DAP: variants seen among roughly 807,000 people sequenced by gnomAD.
The protein encoded by DAP is death-associated protein 1.
In DAP, 8 loss-of-function variants were observed where a neutral mutation model predicts 13.8. The observed-to-expected ratio is 0.58, with a 90% CI of 0.34 to 1.05. The LOEUF is 1.05. Among genes scored for constraint, DAP ranks in the 50% least tolerant of loss-of-function variants. DAP has a pLI of 0.03. For missense variants in DAP, 106 were observed against 133.2 expected (o/e 0.80, Z 1.01); for synonymous variants, 47 against 47.5 (o/e 0.99, Z 0.04).
intron 3 of DAP, among the ~76,000 whole-genome samples, chr5:10,681,502 A>G (rs1221850953): frequency 6.7e-6 from 1 of 149,426 alleles, no homozygotes; most frequent in African/African-American, 2.5e-5. Flanking sequence ...TCCCTGCAGG[A>G]AGCATGGTGT....
Position 10,734,017 on chromosome 5 carries a change from G to A in DAP, c.152+14158C>T, listed in dbSNP as rs935117137. The A allele has an allele frequency of 2.0e-5, 3 of 152,208 alleles. No homozygotes were observed. The South Asian group carries it at 6.2e-4, about 31-fold the overall frequency. 9.4% of individuals were successfully genotyped at this position (152,208 alleles called of 1,614,324 possible). On this transcript the variant is annotated intron_variant, in intron 2 of 3. Transcript: ENST00000230895. ...CATTCTATAAAATCCAAGCACTGGA[G>A]AGTTGATTTAAATTCAGTTCATATG...
chr5:10,694,244 GTT>G (rs1738378937), intron 2 of DAP, among the ~76,000 whole-genome samples: 1 of 152,200 alleles, frequency 6.6e-6, no homozygotes, highest in Admixed American at 6.5e-5. Flanking sequence ...GGGCTAGAGT[GTT>G]GGATGATCCG....
rs969406606 is a variant in DAP at position 10,707,923 on chromosome 5, G to A, written c.153-24352C>T. On this transcript the variant is annotated intron_variant, in intron 2 of 3. Coordinates refer to ENST00000230895, the MANE Select transcript of DAP (RefSeq NM_004394.3). The surrounding 1 kb of genome is among the most constrained non-coding windows in gnomAD (Gnocchi z 4.0). ...CCCCATGCTGTCGCTACCTCCAAGT[G>A]GCTCTAATTCTTATTTAGGCTTGAA... is the stretch of plus-strand genomic sequence containing the variant. Among the ~76,000 whole-genome samples the A allele has an allele frequency of 3.3e-5, 5 of 152,128 alleles. No individual in the cohort carries two copies. Among genetic ancestry groups the A allele is most frequent in the Admixed American group, 6.5e-5 (1 of 15,272 alleles).
At chr5:10,741,949 T>C (rs149894001) in intron 2 of DAP, among the ~76,000 whole-genome samples, 2 of 152,370 alleles carry the variant, frequency 1.3e-5, no homozygotes, top group East Asian at 1.9e-4. Flanking sequence ...TTGTAATTAA[T>C]AGATATATTG....
chr5:10,686,774 A>T (rs1738166531), intron 2 of DAP, among the ~76,000 whole-genome samples: 1 of 152,258 alleles, frequency 6.6e-6, no homozygotes, highest in African/African-American at 2.4e-5. Flanking sequence ...AAGAAGCTGC[A>T]GCAAGTTCTC....
At chr5:10,697,640 A>C (rs1738467419) in intron 2 of DAP, among the ~76,000 whole-genome samples, 1 of 152,218 alleles carries the variant, frequency 6.6e-6, no homozygotes, top group South Asian at 2.1e-4. Context: ...AGTATTTTAA[A>C]TAGGATAAAA....
chr5:10,761,143 A>T lies in DAP; in HGVS notation c.-75T>A. On this transcript the variant is annotated 5_prime_UTR_variant, in exon 1 of 4. Coordinates refer to ENST00000230895, the MANE Select transcript of DAP (RefSeq NM_004394.3). ...CGGGCGGGCGTGCGCGAGTGAGCTC[A>T]GGTGTGAGCGCCGGGGAGCGAGCGG... 1.1e-6 allele frequency: 1 copy of T among 874,910 alleles called. No homozygotes were observed. The highest frequency in any genetic ancestry group is 1.5e-6 in the Non-Finnish European group (1 of 675,374). 54.2% of individuals were successfully genotyped at this position (874,910 alleles called of 1,614,324 possible).
intron 2 of DAP, among the ~76,000 whole-genome samples, chr5:10,702,069 C>T (rs1242447260): frequency 2.0e-5 from 3 of 152,200 alleles, no homozygotes; most frequent in Non-Finnish European, 4.4e-5. Context: ...TAAGAACTTC[C>T]CAACATGGCT....
At chr5:10,755,531 C>CTT (rs1740161098) in intron 1 of DAP, among the ~76,000 whole-genome samples, 1 of 152,166 alleles carries the variant, frequency 6.6e-6, no homozygotes, top group Admixed American at 6.5e-5. Context: ...CAGCAGCAGC[C>CTT]ACACAATGAA....
chr5:10,693,475 T>C (rs1032358578), intron 2 of DAP, among the ~76,000 whole-genome samples: 1 of 152,246 alleles, frequency 6.6e-6, no homozygotes, highest in Non-Finnish European at 1.5e-5. Context: ...CAATCACCAC[T>C]ATGTACTATG....
chr5:10,688,519 T>G (rs1191290311), intron 2 of DAP, among the ~76,000 whole-genome samples: 1 of 152,218 alleles, frequency 6.6e-6, no homozygotes, highest in Non-Finnish European at 1.5e-5. Context: ...TCACAATATT[T>G]GCTTTATTAT....
At chr5:10,759,744 C>CTTTTTTTTTTT (rs1169454640) in intron 1 of DAP, among the ~76,000 whole-genome samples, 2 of 88,202 alleles carry the variant, frequency 2.3e-5, no homozygotes, top group Non-Finnish European at 4.0e-5. Flanking sequence ...TAATGGGAAT[C>CTTTTTTTTTTT]TTTTTTTTTT....
At chr5:10,683,639 G>A (rs566216885) in intron 2 of DAP, 68 bp from the exon 3 acceptor site, 17 of 1,485,800 alleles carry the variant, frequency 1.1e-5, no homozygotes, top group Admixed American at 8.4e-5. Context: ...GGTGGCAGAC[G>A]ATGTGTATGT....
At chr5:10,727,870 A>C (rs1459137098) in intron 2 of DAP, among the ~76,000 whole-genome samples, 1 of 152,182 alleles carries the variant, frequency 6.6e-6, no homozygotes, top group Non-Finnish European at 1.5e-5. Flanking sequence ...ACATCCTCCC[A>C]TATACTTTAA....
intron 2 of DAP, among the ~76,000 whole-genome samples, chr5:10,692,066 A>G (rs892222786): frequency 1.3e-5 from 2 of 152,246 alleles, no homozygotes; most frequent in African/African-American, 4.8e-5. Context: ...TGCAGATATC[A>G]TCAAGACTGA....
intron 2 of DAP, among the ~76,000 whole-genome samples, chr5:10,739,314 CTT>C (rs200679726): frequency 7.4e-6 from 1 of 135,502 alleles, no homozygotes; most frequent in African/African-American, 2.6e-5. Flanking sequence ...TTTTTTAGTA[CTT>C]TTTTTTTTTG....
chr5:10,681,224 G>A, intron 3 of DAP, 55 bp from the exon 4 acceptor site: 1 of 1,380,096 alleles, frequency 7.2e-7, no homozygotes, highest in Non-Finnish European at 9.6e-7. Context: ...GGGGTTTGTG[G>A]GTGAGGAAGC....
chr5:10,734,626 G>A (rs1000274477), intron 2 of DAP, among the ~76,000 whole-genome samples: 2 of 152,140 alleles, frequency 1.3e-5, no homozygotes, highest in South Asian at 2.1e-4. Flanking sequence ...TTCCTAGGGC[G>A]ACTCTGAGCA....
chr5:10,726,899 T>C (rs1313540078), intron 2 of DAP, among the ~76,000 whole-genome samples: 1 of 152,106 alleles, frequency 6.6e-6, no homozygotes, highest in Non-Finnish European at 1.5e-5. Context: ...GAGGGCCAAG[T>C]GTCACTTATG....
Sources: gnomAD v4.1 joint callset for allele counts (sites outside exome capture counted in the v4.1 genomes callset) on GRCh38, gnomAD v4.1.1 for gene constraint, Gnocchi (gnomAD v3.1) non-coding constraint, MANE v1.5 for transcripts, NCBI Gene and HGNC (gene_info 2026-07-23, HGNC 2026-07-21) for gene names.